The following FHIT variants were observed in gnomAD, a reference collection of about 807,000 sequenced individuals.
FHIT encodes bis(5'-adenosyl)-triphosphatase.
Under a neutral mutation model 17.9 loss-of-function variants are expected in FHIT, and 19 were observed. The ratio of observed to expected loss-of-function variants is 1.06; its 90% CI spans 0.74 to 1.56. The LOEUF is 1.56. Ranked by LOEUF, FHIT falls within the 40% of genes most tolerant of loss-of-function variation. The probability of loss-of-function intolerance (pLI) is 0.00; values close to 1 mark genes in which losing one functional copy is unlikely to be tolerated. For missense variants in FHIT, 248 were observed against 189.2 expected, an observed-to-expected ratio of 1.31 and a Z score of -1.82; for synonymous variants, 81 against 69.7, an observed-to-expected ratio of 1.16 and a Z score of -0.81.
rs190536436 is a variant in FHIT at position 60,577,357 on chromosome 3, C to T, written c.-17-40378G>A. ...TTAATTTAGCCCCTTACATTAGGTG[C>T]CCCATGCTCTCTTTTGGGTCAAAAA... On this transcript the variant is annotated intron_variant, in intron 4 of 9. Coordinates refer to ENST00000492590, the MANE Select transcript of FHIT (RefSeq NM_002012.4). Among the ~76,000 whole-genome samples the T allele has an allele frequency of 7.1e-3, 1,081 of 152,252 alleles. 8 individuals carry two copies. The highest frequency in any genetic ancestry group is 0.012 in the Non-Finnish European group (818 of 68,010).
At chr3:60,278,080 G>C (rs1177288383) in intron 5 of FHIT, among the ~76,000 whole-genome samples, 1 of 152,186 alleles carries the variant, frequency 6.6e-6, no homozygotes, top group African/African-American at 2.4e-5. Flanking sequence ...CCTAGGAACT[G>C]ATACGAACAC....
At chr3:59,826,156 C>A (rs1700969961) in intron 8 of FHIT, among the ~76,000 whole-genome samples, 1 of 152,282 alleles carries the variant, frequency 6.6e-6, no homozygotes, top group Non-Finnish European at 1.5e-5. Flanking sequence ...CTCACTCTGA[C>A]ACCCAGGCCG....
intron 2 of FHIT, among the ~76,000 whole-genome samples, chr3:61,064,130 G>T (rs528026498): frequency 6.6e-6 from 1 of 152,246 alleles, no homozygotes; most frequent in South Asian, 2.1e-4. Context: ...GACATTGACT[G>T]GTCTGGGATG....
chr3:60,933,473 G>A (rs560633125), intron 3 of FHIT, among the ~76,000 whole-genome samples: 112 of 152,288 alleles, frequency 7.4e-4, no homozygotes, highest in African/African-American at 2.6e-3. Flanking sequence ...GACACTCAGA[G>A]CACATGTCAA....
At chr3:59,841,037 GT>G (rs1701515307) in intron 8 of FHIT, among the ~76,000 whole-genome samples, 2 of 152,174 alleles carry the variant, frequency 1.3e-5, no homozygotes, top group African/African-American at 4.8e-5. Flanking sequence ...TTGCTAAAGA[GT>G]TGGTTTAATT....
intron 5 of FHIT, among the ~76,000 whole-genome samples, chr3:60,371,049 T>G (rs1700306264): frequency 6.6e-6 from 1 of 152,222 alleles, no homozygotes; most frequent in Non-Finnish European, 1.5e-5. Flanking sequence ...AGGCAAACCA[T>G]CCACATGCTC....
rs1559644271 is a variant in FHIT at position 60,114,065 on chromosome 3, ATATATAT to A, written c.104-99920_104-99914del. Among the ~76,000 whole-genome samples, 120 of 104,310 alleles carry A rather than the reference ATATATAT, an allele frequency of 1.2e-3. 4 individuals carry two copies. The highest frequency in any genetic ancestry group is 1.8e-3 in the African/African-American group (54 of 29,652). 68.4% of individuals were successfully genotyped at this position (104,310 alleles called of 152,430 possible). Reference sequence around the variant, plus strand: ...TATATATATATATATATATATATATATATATATAATGTTATATGTATCTTACCACAAT... The same window carrying A: ...TATATATATATATATATATATATATAAATGTTATATGTATCTTACCACAAT... On this transcript the variant is annotated intron_variant, in intron 5 of 9. Coordinates refer to ENST00000492590, the MANE Select transcript of FHIT (RefSeq NM_002012.4).
intron 3 of FHIT, among the ~76,000 whole-genome samples, chr3:60,931,295 C>T (rs1707940125): frequency 6.6e-6 from 1 of 152,106 alleles, no homozygotes; most frequent in African/African-American, 2.4e-5. Flanking sequence ...AGCACACCAA[C>T]ATGGCACATG....
At chr3:59,756,725 G>GA (rs1701239565) in intron 8 of FHIT, among the ~76,000 whole-genome samples, 1 of 152,200 alleles carries the variant, frequency 6.6e-6, no homozygotes, top group South Asian at 2.1e-4. Flanking sequence ...GTGAATCCTG[G>GA]AAAAAACAGA....
chr3:60,886,227 T>C (rs916035464), intron 3 of FHIT, among the ~76,000 whole-genome samples: 1 of 152,218 alleles, frequency 6.6e-6, no homozygotes, highest in African/African-American at 2.4e-5. Context: ...AATAGGCCAA[T>C]TGCCAAGCAG....
chr3:60,204,920 C>T (rs1703100531), intron 5 of FHIT, among the ~76,000 whole-genome samples: 1 of 151,844 alleles, frequency 6.6e-6, no homozygotes, highest in Admixed American at 6.6e-5. Context: ...AGTGAGACCC[C>T]ATTTCTACCA....
chr3:59,874,762 C>T (rs1287125508), intron 8 of FHIT, among the ~76,000 whole-genome samples: 3 of 152,042 alleles, frequency 2.0e-5, no homozygotes, highest in Non-Finnish European at 4.4e-5. Flanking sequence ...AGGGATGCAG[C>T]AAGAACCAGA....
intron 1 of FHIT, among the ~76,000 whole-genome samples, chr3:61,214,216 G>A (rs970168098): frequency 6.6e-6 from 1 of 152,010 alleles, no homozygotes; most frequent in Non-Finnish European, 1.5e-5. Flanking sequence ...ATGAATCCAG[G>A]AGCTGGTTTT....
chr3:60,396,442 C>T (rs1028967201), intron 5 of FHIT, among the ~76,000 whole-genome samples: 1 of 152,160 alleles, frequency 6.6e-6, no homozygotes, highest in Admixed American at 6.5e-5. Context: ...AACAAAACCA[C>T]TTCTGTGCAG....
intron 8 of FHIT, among the ~76,000 whole-genome samples, chr3:59,840,843 T>C (rs970421480): frequency 6.6e-6 from 1 of 152,152 alleles, no homozygotes; most frequent in African/African-American, 2.4e-5. Flanking sequence ...ATCTATATAA[T>C]GGTGATGATA....
At chr3:60,048,574 C>A (rs564355635) in intron 5 of FHIT, among the ~76,000 whole-genome samples, 5 of 152,294 alleles carry the variant, frequency 3.3e-5, no homozygotes, top group African/African-American at 1.2e-4. Flanking sequence ...AACCACAACG[C>A]ACCCCATAAC....
chr3:61,161,384 G>A (rs1264972452), intron 2 of FHIT, among the ~76,000 whole-genome samples: 1 of 151,958 alleles, frequency 6.6e-6, no homozygotes, highest in Non-Finnish European at 1.5e-5. Context: ...TGTATTTTTA[G>A]TAGAGACGGG....
intron 9 of FHIT, chr3:59,752,015 G>C: frequency 4.5e-6 from 2 of 440,736 alleles, no homozygotes; most frequent in South Asian, 9.9e-5. Flanking sequence ...AGAAGAGAGT[G>C]AAGAGGCAGG....
intron 8 of FHIT, among the ~76,000 whole-genome samples, chr3:59,855,138 CAGTG>C (rs2106812836): frequency 6.6e-6 from 1 of 152,278 alleles, no homozygotes; most frequent in East Asian, 1.9e-4. Context: ...TTTGAGGATA[CAGTG>C]AGTATTAAAA....
Sources: gnomAD v4.1 joint callset for allele counts (sites outside exome capture counted in the v4.1 genomes callset) on GRCh38, gnomAD v4.1.1 for gene constraint, MANE v1.5 for transcripts, NCBI Gene and HGNC (gene_info 2026-07-23, HGNC 2026-07-21) for gene names.